The following NOTCH2NLR variants were observed in gnomAD, a reference collection of about 807,000 sequenced individuals.
The protein encoded by NOTCH2NLR is notch 2 N-terminal like R.
NOTCH2NLR carries 33 observed loss-of-function variants against 35.6 expected under a neutral mutation model. The ratio of observed to expected loss-of-function variants is 0.93; its 90% CI spans 0.70 to 1.24. The LOEUF (loss-of-function observed/expected upper bound fraction) is 1.24. NOTCH2NLR is among the 50% of genes most tolerant of loss of function. NOTCH2NLR has a pLI of 0.00. For synonymous variants in NOTCH2NLR, 103 were observed against 141.0 expected (o/e 0.73, Z 1.91); for missense variants, 276 against 362.2 (o/e 0.76, Z 1.93).
rs1487139908 is a variant in NOTCH2NLR at position 120,784,213 on chromosome 1, CTT to C, written c.156-759_156-758del. ...TAAAACATTTTAAATAGAAATCAAACTTTATTAATACAGTAGGTCTAGTTTCA... is the reference window on the plus strand; with the variant it reads ...TAAAACATTTTAAATAGAAATCAAACTATTAATACAGTAGGTCTAGTTTCA... On this transcript the variant is annotated intron_variant, in intron 2 of 4. Coordinates refer to ENST00000624419, the Ensembl canonical transcript of NOTCH2NLR. Among the ~76,000 whole-genome samples the C allele has an allele frequency of 5.9e-5, 7 of 118,428 alleles. 1 individual carries two copies. The highest frequency in any genetic ancestry group is 1.1e-4 in the Non-Finnish European group (7 of 61,352). 77.7% of individuals were successfully genotyped at this position (118,428 alleles called of 152,430 possible). A position where few individuals can be genotyped will look rare whatever the true frequency, so the allele number is the denominator to read the frequency against.
At position 120,785,072 on chromosome 1, in the gene NOTCH2NLR, TGGGGAAAGCCACGTGCC is replaced by T. The variant is rs1480680438; in HGVS notation, c.257_273del (p.Gly86ValfsTer39). ...GGGACTTGTGTGGCCCAGGCCATGC[TGGGGAAAGCCACGTGCC>T]GGTGTGCCTCAGGGTTTACAGGAGA... On this transcript the variant is annotated frameshift_variant, in exon 3 of 5. Coordinates refer to ENST00000624419, the Ensembl canonical transcript of NOTCH2NLR. LOFTEE classifies it high-confidence loss of function. The T allele has an allele frequency of 6.9e-7, 1 of 1,445,816 alleles. No homozygotes were observed. Among genetic ancestry groups the T allele is most frequent in the East Asian group, 2.3e-5 (1 of 42,880 alleles). 89.6% of individuals were successfully genotyped at this position (1,445,816 alleles called of 1,614,324 possible).
At chr1:120,765,837 G>A (rs1212705112) in intron 2 of NOTCH2NLR, among the ~76,000 whole-genome samples, 5,351 of 123,986 alleles carry the variant, frequency 0.043, 580 homozygotes, top group East Asian at 0.13. Flanking sequence ...GCAGGGACAT[G>A]GATGAAGCTG....
At position 120,778,501 on chromosome 1, in the gene NOTCH2NLR, T is replaced by G. The variant is rs1651324660; in HGVS notation, c.156-6473T>G. ...TGTATAGTTTTTTTAAAAATCATGA[T>G]TTTGAAATAGCTGTTTTGTAAAGCA... is the stretch of plus-strand genomic sequence containing the variant. On this transcript the variant is annotated intron_variant, in intron 2 of 4. Coordinates refer to ENST00000624419, the Ensembl canonical transcript of NOTCH2NLR. 4.1e-5 allele frequency among the ~76,000 whole-genome samples: 4 copies of G among 97,668 alleles called. 2 individuals are homozygous for G. In the South Asian group the frequency reaches 1.2e-3, roughly 28 times the overall value. 64.1% of individuals were successfully genotyped at this position (97,668 alleles called of 152,430 possible).
At chr1:120,793,559 G>A in intron 4 of NOTCH2NLR, 63 bp downstream of exon 4, 2 of 1,108,052 alleles carry the variant, frequency 1.8e-6, no homozygotes, top group Non-Finnish European at 2.5e-6. Context: ...GGTAGTGGGT[G>A]TGGCTCAATT....
At chr1:120,763,389 T>C (rs1181883134) in intron 1 of NOTCH2NLR, among the ~76,000 whole-genome samples, 2 of 104,604 alleles carry the variant, frequency 1.9e-5, no homozygotes, top group Non-Finnish European at 3.5e-5. Context: ...CAGCTGGAGA[T>C]ACTAAAACAC....
At chr1:120,788,805 C>T (rs1651451851) in intron 3 of NOTCH2NLR, among the ~76,000 whole-genome samples, 1 of 74,156 alleles carries the variant, frequency 1.3e-5, no homozygotes, top group Non-Finnish European at 2.4e-5. Context: ...GTGGATAAGG[C>T]ATTCCATGAG....
In NOTCH2NLR at chr1:120,790,014, T is replaced by A. The variant is rs1237426607; in HGVS notation, c.416-3147T>A. On this transcript the variant is annotated intron_variant, in intron 3 of 4. Coordinates refer to ENST00000624419, the Ensembl canonical transcript of NOTCH2NLR. Reference sequence around the variant, plus strand: ...GTTCTGCAAGATTCTGATCACCTTTTTTTTTTTTTTTTTTTTTTTTGAGAT... The same window carrying A: ...GTTCTGCAAGATTCTGATCACCTTTATTTTTTTTTTTTTTTTTTTTGAGAT... Among the ~76,000 whole-genome samples the A allele has an allele frequency of 8.4e-5, 5 of 59,654 alleles. 1 individual carries two copies. Among genetic ancestry groups the A allele is most frequent in the South Asian group, 4.9e-4 (1 of 2,040 alleles). The allele number at this position is 59,654 out of a possible 152,430, so 39.1% of individuals were successfully genotyped here.
intron 2 of NOTCH2NLR, among the ~76,000 whole-genome samples, chr1:120,780,187 TC>T (rs1651348023): frequency 9.4e-6 from 1 of 106,206 alleles, no homozygotes; most frequent in Non-Finnish European, 1.8e-5. Context: ...CAAGACAGGC[TC>T]TTCCCCACAA....
chr1:120,764,377 A>G lies in NOTCH2NLR; in HGVS notation c.155+668A>G, dbSNP rs1361152824. Among the ~76,000 whole-genome samples the G allele has an allele frequency of 1.6e-4, 16 of 98,614 alleles. 4 individuals carry two copies. Among genetic ancestry groups the G allele is most frequent in the African/African-American group, 8.3e-4 (13 of 15,690 alleles). 64.7% of individuals were successfully genotyped at this position (98,614 alleles called of 152,430 possible). On this transcript the variant is annotated intron_variant, in intron 2 of 4. Transcript: ENST00000624419. ...CTTGTTTTTAAGTAAAACCAAATAG[A>G]TATCAACTTTAATATTCGGCCCAGT...
In NOTCH2NLR at chr1:120,724,225, G is replaced by A. The variant is rs2101331784; in HGVS notation, c.48G>A (p.Trp16Ter). Residue 16 changes from tryptophan to a stop codon, truncating the protein, a stop_gained, in exon 1 of 5, where the codon TGG becomes TGA. Coordinates refer to ENST00000624419, the Ensembl canonical transcript of NOTCH2NLR. LOFTEE classifies it high-confidence loss of function. Reference sequence around the variant, plus strand: ...TGCTGTGGGCGCTGCTGGCGCTCTGGCTGTGCTGGGCGGCCCCCGCGCATG... The same window carrying A: ...TGCTGTGGGCGCTGCTGGCGCTCTGACTGTGCTGGGCGGCCCCCGCGCATG... 14 of 1,405,108 alleles carry A rather than the reference G, an allele frequency of 1.0e-5. 3 individuals carry two copies. The South Asian group carries it at 1.6e-4, about 16-fold the overall frequency. The allele number at this position is 1,405,108 out of a possible 1,614,324, so 87.0% of individuals were successfully genotyped here. A position where few individuals can be genotyped will look rare whatever the true frequency, so the allele number is the denominator to read the frequency against.
chr1:120,724,204 G>A (rs1650787936), exon 1 of NOTCH2NLR: 1 of 1,405,908 alleles, frequency 7.1e-7, no homozygotes, highest in East Asian at 2.4e-5. Context: ...CCGCTCTGCT[G>A]TGGGCGCTGC....
intron 1 of NOTCH2NLR, among the ~76,000 whole-genome samples, chr1:120,748,113 C>CTTTTT (rs1186945714): frequency 3.4e-5 from 1 of 29,674 alleles, no homozygotes; most frequent in East Asian, 1.5e-3. Context: ...GTAAAGGCTC[C>CTTTTT]TTTTTTTTTT....
intron 2 of NOTCH2NLR, among the ~76,000 whole-genome samples, chr1:120,782,172 G>GA (rs1266433425): frequency 2.1e-5 from 2 of 94,994 alleles, no homozygotes; most frequent in Non-Finnish European, 3.8e-5. Context: ...CTGGAAAAAA[G>GA]AAAACAAAAG....
At position 120,724,469 on chromosome 1, in the gene NOTCH2NLR, G is replaced by A. The variant is rs1332115162; in HGVS notation, c.73+219G>A. On this transcript the variant is annotated intron_variant, in intron 1 of 4. Coordinates refer to ENST00000624419, the Ensembl canonical transcript of NOTCH2NLR. ...GTTCCCCGCCGCCTCTGCTCCCCGC[G>A]GCCCGGGACCCCTCACACGCCTCCT... is the stretch of plus-strand genomic sequence containing the variant. Among the ~76,000 whole-genome samples, 4 of 121,314 alleles carry A rather than the reference G, an allele frequency of 3.3e-5. 2 individuals carry two copies. Among genetic ancestry groups the A allele is most frequent in the African/African-American group, 1.8e-4 (4 of 22,322 alleles). 79.6% of individuals were successfully genotyped at this position (121,314 alleles called of 152,430 possible). A position where few individuals can be genotyped will look rare whatever the true frequency, so the allele number is the denominator to read the frequency against.
chr1:120,777,389 A>G (rs1651311302), intron 2 of NOTCH2NLR, among the ~76,000 whole-genome samples: 1 of 67,618 alleles, frequency 1.5e-5, no homozygotes, highest in Admixed American at 1.5e-4. Flanking sequence ...TAGAAAAATG[A>G]GCTGCCCTGC....
rs1378605378 is a variant in NOTCH2NLR, at chr1:120,781,978, C to G, written c.156-2996C>G. The stretch of plus-strand genomic sequence containing the variant: ...AGCTATCAAATGCTTAGCAAATATA[C>G]AATACATAGTTAAGTACTTAGAAAA... On this transcript the variant is annotated intron_variant, in intron 2 of 4. Transcript: ENST00000624419. Among the ~76,000 whole-genome samples, 6 of 102,114 alleles carry G rather than the reference C, an allele frequency of 5.9e-5. 2 individuals are homozygous for G. Among genetic ancestry groups the G allele is most frequent in the Admixed American group, 3.8e-4 (4 of 10,418 alleles). The allele number at this position is 102,114 out of a possible 152,430, so 67.0% of individuals were successfully genotyped here.
chr1:120,752,538 A>AT (rs1651029109), intron 1 of NOTCH2NLR, among the ~76,000 whole-genome samples: 1 of 14,356 alleles, frequency 7.0e-5, no homozygotes, highest in Non-Finnish European at 1.2e-4. Context: ...ATATATATAT[A>AT]TATATATATA....
chr1:120,767,461 A>G (rs1344433523), intron 2 of NOTCH2NLR, among the ~76,000 whole-genome samples: 1 of 67,556 alleles, frequency 1.5e-5, no homozygotes, highest in Non-Finnish European at 2.6e-5. Flanking sequence ...GAAGATAACT[A>G]CTTTTGAAGA....
chr1:120,730,550 T>C (rs1203330705), intron 1 of NOTCH2NLR, among the ~76,000 whole-genome samples: 1 of 106,778 alleles, frequency 9.4e-6, no homozygotes, highest in Non-Finnish European at 1.7e-5. Flanking sequence ...ACTGCATCAC[T>C]GGTAGTGGTA....
Sources: allele counts gnomAD v4.1 joint callset (sites outside exome capture counted in the v4.1 genomes callset), GRCh38; gene constraint gnomAD v4.1.1; transcripts MANE v1.5; gene names NCBI Gene and HGNC (gene_info 2026-07-23, HGNC 2026-07-21).